PPFIA4: variants seen among roughly 807,000 people sequenced by gnomAD.
PPFIA4 encodes the protein liprin-alpha-4.
In PPFIA4, 98 loss-of-function variants were observed where a neutral mutation model predicts 145.7. That is an observed-to-expected ratio of 0.67 (90% CI 0.57 to 0.80). The LOEUF (loss-of-function observed/expected upper bound fraction) is 0.80. PPFIA4 is among the 30% of genes least tolerant of loss of function. The probability of loss-of-function intolerance (pLI) is 0.00; values close to 1 mark genes in which losing one functional copy is unlikely to be tolerated. For synonymous variants in PPFIA4, 628 were observed against 649.6 expected (o/e 0.97, Z 0.51); for missense variants, 1,457 against 1,632.7 (o/e 0.89, Z 1.85).
At position 203,053,856 on chromosome 1, in the gene PPFIA4, G is replaced by A. The variant is rs537960660; in HGVS notation, c.1724G>A (p.Gly575Asp). 3.5e-5 allele frequency: 54 copies of A among 1,556,288 alleles called. No homozygotes were observed. The East Asian group carries it at 1.2e-3, about 35-fold the overall frequency. The part of the protein sequence containing the change: ...ISDVDEDEPG[G>D]LVGSADVVSP... ...GACGTGGATGAGGATGAGCCAGGGG[G>A]TCTGGTGGGCTCTGCGGATGTTGTC... is the stretch of plus-strand genomic sequence containing the variant. Residue 575 changes from glycine to aspartate, a missense_variant, in exon 15 of 30, where the codon GGT becomes GAT. Transcript: ENST00000295706.
Position 203,056,873 on chromosome 1 carries a change from C to G in PPFIA4, c.2330C>G (p.Ser777Trp). Residue 777 changes from serine to tryptophan, a missense_variant, in exon 19 of 30, where the codon TCG becomes TGG. By Grantham distance (177) the Ser-to-Trp change is radical (BLOSUM62 -3). Around this residue, in one of 3 missense-constraint regions of PPFIA4, gnomAD observed 848 missense variants for 1,046.7 expected, o/e 0.81. Transcript: ENST00000295706. ...HKGAKRKGIK[S>W]SIGRLFGKKE... ...GGCGCCAAGCGCAAGGGCATCAAGTCGTCCATTGGCCGCCTGTTTGGGAAG... is the reference window on the plus strand; with the variant it reads ...GGCGCCAAGCGCAAGGGCATCAAGTGGTCCATTGGCCGCCTGTTTGGGAAG... The G allele has an allele frequency of 1.2e-6, 2 of 1,614,080 alleles. No individual in the cohort carries two copies. Among genetic ancestry groups the G allele is most frequent in the Non-Finnish European group, 1.7e-6 (2 of 1,179,906 alleles).
intron 24 of PPFIA4, 146 bp downstream of exon 24, chr1:203,061,824 C>G: frequency 1.3e-6 from 1 of 793,784 alleles, no homozygotes; most frequent in Non-Finnish European, 1.9e-6. Flanking sequence ...GAGTGCCCCC[C>G]GCCCCCACCC....
chr1:203,045,349 A>G lies in PPFIA4; in HGVS notation c.667-19A>G. 2 of 1,554,606 alleles carry G rather than the reference A, an allele frequency of 1.3e-6. No individual in the cohort carries two copies. Among genetic ancestry groups the G allele is most frequent in the African/African-American group, 2.7e-5 (2 of 73,692 alleles). On this transcript the variant is annotated intron_variant, in intron 6 of 29. Transcript: ENST00000295706. ...GGATGCTGCTGTGACTCACAGAGCTACTGTCCCTATCCCTGGAGGAGGATA... is the reference window on the plus strand; with the variant it reads ...GGATGCTGCTGTGACTCACAGAGCTGCTGTCCCTATCCCTGGAGGAGGATA...
rs1342484860 is a variant in PPFIA4, at chr1:203,075,234, C to G, written c.3394-343C>G. On this transcript the variant is annotated intron_variant, in intron 28 of 29. Coordinates refer to ENST00000295706, the MANE Select transcript of PPFIA4 (RefSeq NM_001304331.2). This position sits in a 1 kb window ranked among gnomAD's most constrained non-coding sequence, Gnocchi z 4.1. ...TCCCATGGGCTGAGGCAGAGGAATG[C>G]CTTGAAAGGTGAATGGTCATGCCAA... Among the ~76,000 whole-genome samples the G allele has an allele frequency of 6.6e-6, 1 of 151,936 alleles. No homozygotes were observed. The highest frequency in any genetic ancestry group is 1.5e-5 in the Non-Finnish European group (1 of 67,982).
Position 203,045,826 on chromosome 1 carries a change from C to T in PPFIA4, c.859-15C>T. 6.2e-7 allele frequency: 1 copy of T among 1,612,758 alleles called. No individual in the cohort carries two copies. The highest frequency in any genetic ancestry group is 1.7e-4 in the Middle Eastern group (1 of 6,058). ...AAAGGCTGGTTACCGTCCTTCTTGT[C>T]CCCTCTTCTCCCAGGCTCTGGCCCA... On this transcript the variant is annotated splice_polypyrimidine_tract_variant and intron_variant, in intron 7 of 29. Transcript: ENST00000295706.
intron 1 of PPFIA4, among the ~76,000 whole-genome samples, chr1:203,037,479 G>T (rs1012632129): frequency 6.6e-6 from 1 of 152,218 alleles, no homozygotes; most frequent in Non-Finnish European, 1.5e-5. Context: ...CTTCTGTCCT[G>T]CAACTGGGAC....
Position 203,056,481 on chromosome 1 carries a change from C to T in PPFIA4, c.2213C>T (p.Pro738Leu), listed in dbSNP as rs747160588. Residue 738 changes from proline to leucine, a missense_variant, in exon 18 of 30, where the codon CCA becomes CTA. Coordinates refer to ENST00000295706, the MANE Select transcript of PPFIA4 (RefSeq NM_001304331.2). ...CTGCGGCTAGAGAAGCTTGGCCACC[C>T]AGCCCTGAGCCAGGAAGAAGGCAAG... ...RTLRLEKLGH[P>L]ALSQEEGKSA... 1.2e-6 allele frequency: 2 copies of T among 1,613,938 alleles called. No individual in the cohort carries two copies. The highest frequency in any genetic ancestry group is 4.5e-5 in the East Asian group (2 of 44,876).
chr1:203,056,808 C>A lies in PPFIA4; in HGVS notation c.2265C>A (p.Asn755Lys), dbSNP rs763463024. The A allele has an allele frequency of 1.9e-6, 3 of 1,612,742 alleles. No individual in the cohort carries two copies. The African/African-American group carries it at 4.0e-5, about 22-fold the overall frequency. Reference sequence around the variant, plus strand: ...GTGCCTTGGAGGATCAGGGCAGCAACCCCAGCAGCAGCAACAGCAGCCAGG... The same window carrying A: ...GTGCCTTGGAGGATCAGGGCAGCAAACCCAGCAGCAGCAACAGCAGCCAGG... ...GKSALEDQGSNPSSSNSSQDS... is the reference protein window; with the variant it reads ...GKSALEDQGSKPSSSNSSQDS... The change falls in exon 19 of 30, where the codon AAC (asparagine) becomes AAA (lysine). Residue 755 changes from asparagine to lysine, a missense_variant. Asn to Lys is a moderately conservative substitution (Grantham distance 94, BLOSUM62 0). This residue lies in a region of PPFIA4 where 848 missense variants were observed against 1,046.7 expected (regional missense o/e 0.81). Transcript: ENST00000295706.
In PPFIA4 at chr1:203,053,982, C is replaced by T. The variant is rs1240369591; in HGVS notation, c.1829+21C>T. ...ATCAGGTTAGGGCAGGGCTGGAGGG[C>T]TTGGGAAGTGCATTGAAGGGCAGGG... On this transcript the variant is annotated intron_variant, in intron 15 of 29. Transcript: ENST00000295706. The T allele has an allele frequency of 1.2e-5, 18 of 1,553,588 alleles. 1 individual carries two copies. In the South Asian group the frequency reaches 1.9e-4, roughly 16 times the overall value.
At position 203,044,083 on chromosome 1, in the gene PPFIA4, C is replaced by T. The variant is rs770887136; in HGVS notation, c.489C>T (p.Ala163=). The T allele has an allele frequency of 3.0e-5, 47 of 1,592,702 alleles. 1 individual carries two copies. In the Admixed American group the frequency reaches 7.8e-4, roughly 26 times the overall value. The part of the protein sequence containing the change: ...ALKSLFEHHK[A]LDEKVRERLR... ...AGTCACTGTTTGAGCACCACAAGGC[C>T]CTGGATGAGAAGGTGCCCACCTGCC... is the stretch of plus-strand genomic sequence containing the variant. Residue 163 remains alanine, a synonymous_variant, in exon 4 of 30, where the codon GCC becomes GCT. Coordinates refer to ENST00000295706, the MANE Select transcript of PPFIA4 (RefSeq NM_001304331.2).
At position 203,045,471 on chromosome 1, in the gene PPFIA4, C is replaced by T. The variant is rs750128064; in HGVS notation, c.770C>T (p.Thr257Ile). 6.2e-7 allele frequency: 1 copy of T among 1,609,688 alleles called. No homozygotes were observed. Among genetic ancestry groups the T allele is most frequent in the South Asian group, 1.1e-5 (1 of 90,244 alleles). The change falls in exon 7 of 30, where the codon ACT becomes ATT. Residue 257 changes from threonine (T) to isoleucine (I), a missense_variant. Thr to Ile is a moderately conservative substitution (Grantham distance 89). Coordinates refer to ENST00000295706, the MANE Select transcript of PPFIA4 (RefSeq NM_001304331.2). ...CTGGTCACCCTAACAACAACCGTGA[C>T]TGAACTCGAGGAGGACCTGGGCACG... ...ERLVTLTTTV[T>I]ELEEDLGTAR...
chr1:203,053,361 C>T (rs962399056), intron 14 of PPFIA4, among the ~76,000 whole-genome samples: 11 of 151,904 alleles, frequency 7.2e-5, no homozygotes, highest in Non-Finnish European at 1.3e-4. Context: ...GGTGAAACCC[C>T]GTCTCTACTA....
At chr1:203,029,453 G>T (rs551075946) in intron 1 of PPFIA4, among the ~76,000 whole-genome samples, 1 of 152,262 alleles carries the variant, frequency 6.6e-6, no homozygotes, top group Non-Finnish European at 1.5e-5. Context: ...CAGAGACTGA[G>T]TGTTTGGTCA....
chr1:203,067,173 G>T (rs1275879934), intron 25 of PPFIA4, among the ~76,000 whole-genome samples: 3 of 152,190 alleles, frequency 2.0e-5, no homozygotes, highest in Non-Finnish European at 4.4e-5. Context: ...AGGCCTGCAG[G>T]CCCAGTGAGC....
rs1571750220 is a variant in PPFIA4, at chr1:203,075,450, G to T, written c.3394-127G>T. 4.3e-6 allele frequency: 3 copies of T among 700,836 alleles called. No homozygotes were observed. The highest frequency in any genetic ancestry group is 4.0e-6 in the Non-Finnish European group (2 of 498,138). 43.4% of individuals were successfully genotyped at this position (700,836 alleles called of 1,614,324 possible). A position where few individuals can be genotyped will look rare whatever the true frequency, so the allele number is the denominator to read the frequency against. ...AAGGCTAGAAAGGGGAAGTGACCTC[G>T]CTCCCTCTTTCCAAAGGGGTGGGAG... On this transcript the variant is annotated intron_variant, in intron 28 of 29. Transcript: ENST00000295706. The surrounding 1 kb of genome is among the most constrained non-coding windows in gnomAD (Gnocchi z 4.1).
rs557778031 is a variant in PPFIA4 at position 203,033,853 on chromosome 1, G to A, written c.-399-4757G>A. On this transcript the variant is annotated intron_variant, in intron 1 of 29. Transcript: ENST00000295706. ...AATAAAAATAGCCAGATGTGGTGGCGTGCACCTGTAATCCCAGCTACTCGG... is the reference window on the plus strand; with the variant it reads ...AATAAAAATAGCCAGATGTGGTGGCATGCACCTGTAATCCCAGCTACTCGG... 5.3e-5 allele frequency among the ~76,000 whole-genome samples: 8 copies of A among 152,278 alleles called. No homozygotes were observed. In the East Asian group the frequency reaches 1.4e-3, roughly 26 times the overall value.
At position 203,068,724 on chromosome 1, in the gene PPFIA4, G is replaced by T. The variant is rs1410580480; in HGVS notation, c.3324+96G>T. On this transcript the variant is annotated intron_variant, in intron 27 of 29. Transcript: ENST00000295706. This position sits in a 1 kb window ranked among gnomAD's most constrained non-coding sequence, Gnocchi z 4.7. ...ATACACAAAGGCTTAGGTATCTTGG[G>T]GGGTGGGGAGCTTTTCTAGGGCCTA... The T allele has an allele frequency of 1.5e-5, 19 of 1,290,932 alleles. No homozygotes were observed. The Middle Eastern group carries it at 6.0e-4, about 41-fold the overall frequency. 80.0% of individuals were successfully genotyped at this position (1,290,932 alleles called of 1,614,324 possible). A position where few individuals can be genotyped will look rare whatever the true frequency, so the allele number is the denominator to read the frequency against.
In PPFIA4 at chr1:203,061,355, T is replaced by A. The variant is rs957811982; in HGVS notation, c.2848-297T>A. The A allele has an allele frequency of 7.6e-6, 4 of 526,398 alleles. No individual in the cohort carries two copies. In the African/African-American group the frequency reaches 7.7e-5, roughly 10 times the overall value. The allele number at this position is 526,398 out of a possible 1,614,324, so 32.6% of individuals were successfully genotyped here. ...CTGAGCCACAGAGTCTCTGCCCTTGTGCTTCCTCCCTGGTGGAGGAATGGG... is the reference window on the plus strand; with the variant it reads ...CTGAGCCACAGAGTCTCTGCCCTTGAGCTTCCTCCCTGGTGGAGGAATGGG... On this transcript the variant is annotated intron_variant, in intron 23 of 29. Transcript: ENST00000295706.
intron 25 of PPFIA4, among the ~76,000 whole-genome samples, chr1:203,066,699 T>A (rs576491199): frequency 6.6e-6 from 1 of 152,230 alleles, no homozygotes; most frequent in Non-Finnish European, 1.5e-5. Context: ...TCTGTGGTTC[T>A]ATGCCTGGCT....
Sources: allele counts gnomAD v4.1 joint callset (sites outside exome capture counted in the v4.1 genomes callset), GRCh38; gene constraint gnomAD v4.1.1; regional missense constraint gnomAD v4.1.1; non-coding constraint Gnocchi (gnomAD v3.1); transcripts MANE v1.5; gene names NCBI Gene and HGNC (gene_info 2026-07-23, HGNC 2026-07-21).